Variants in NCOA1 observed in about 807,000 individuals in gnomAD.
The protein encoded by NCOA1 is nuclear receptor coactivator 1.
A neutral mutation model predicts 150.9 loss-of-function variants in NCOA1; 35 were observed. That is an observed-to-expected ratio of 0.23 (90% CI 0.18 to 0.31). The LOEUF (loss-of-function observed/expected upper bound fraction) is 0.31, where lower values mean the gene tolerates loss of function less well. Ranked by LOEUF, NCOA1 falls within the 10% of genes least tolerant of loss-of-function variation. NCOA1 has a pLI of 1.00. For synonymous variants in NCOA1, 590 were observed against 630.0 expected, an observed-to-expected ratio of 0.94 and a Z score of 0.95; for missense variants, 1,491 against 1,749.3, an observed-to-expected ratio of 0.85 and a Z score of 2.63.
intron 22 of NCOA1, among the ~76,000 whole-genome samples, chr2:24,763,923 G>C (rs984823451): frequency 6.6e-6 from 1 of 152,058 alleles, no homozygotes; most frequent in Non-Finnish European, 1.5e-5. Flanking sequence ...CGCCAGGCCA[G>C]ACTTTAGTCT....
At chr2:24,641,708 CA>C (rs1490736580) in intron 3 of NCOA1, among the ~76,000 whole-genome samples, 1 of 152,088 alleles carries the variant, frequency 6.6e-6, no homozygotes, top group African/African-American at 2.4e-5. Context: ...CTGTTGTTAC[CA>C]ATGAGAAACC....
intron 7 of NCOA1, among the ~76,000 whole-genome samples, chr2:24,678,002 C>G (rs916512451): frequency 1.3e-5 from 2 of 151,946 alleles, no homozygotes; most frequent in Admixed American, 1.3e-4. Flanking sequence ...AGCCCAGCAT[C>G]CATTAGCTAT....
intron 1 of NCOA1, among the ~76,000 whole-genome samples, chr2:24,547,161 T>G: frequency 6.6e-6 from 1 of 152,340 alleles, no homozygotes; most frequent in Non-Finnish European, 1.5e-5. Flanking sequence ...TTTAATTTAT[T>G]TACATGATTT....
chr2:24,515,587 T>A (rs1383495483), intron 1 of NCOA1, among the ~76,000 whole-genome samples: 2 of 152,176 alleles, frequency 1.3e-5, no homozygotes, highest in African/African-American at 4.8e-5. Flanking sequence ...TTTGAGTGAT[T>A]AAGAGTGATT....
Position 24,683,139 on chromosome 2 carries a change from A to G in NCOA1, c.532+11A>G. 1 of 1,537,058 alleles carries G rather than the reference A, an allele frequency of 6.5e-7. No individual in the cohort carries two copies. The highest frequency in any genetic ancestry group is 8.7e-7 in the Non-Finnish European group (1 of 1,148,968). ...TACCAAAATCACTAGGTAAACAGAA[A>G]TGTGTTTTTAAAAAGAATACTAGCT... On this transcript the variant is annotated intron_variant, in intron 8 of 22. Coordinates refer to ENST00000348332, the MANE Select transcript of NCOA1 (RefSeq NM_003743.5).
intron 1 of NCOA1, among the ~76,000 whole-genome samples, chr2:24,499,073 A>G (rs1663345474): frequency 6.6e-6 from 1 of 152,188 alleles, no homozygotes; most frequent in East Asian, 1.9e-4. Context: ...GATATGAGAT[A>G]TGCATATTGC....
chr2:24,622,484 TTGTA>T (rs1337837266), intron 3 of NCOA1, among the ~76,000 whole-genome samples: 4 of 152,212 alleles, frequency 2.6e-5, no homozygotes, highest in Non-Finnish European at 5.9e-5. Flanking sequence ...GATTATGTCT[TTGTA>T]CTTTTGATTA....
intron 3 of NCOA1, among the ~76,000 whole-genome samples, chr2:24,590,078 C>T (rs1297527148): frequency 6.6e-6 from 1 of 152,176 alleles, no homozygotes; most frequent in African/African-American, 2.4e-5. Context: ...TAGTGTCTAA[C>T]AAATTCCTTC....
At chr2:24,760,306 AT>A (rs70947842) in intron 21 of NCOA1, among the ~76,000 whole-genome samples, 34,934 of 100,700 alleles carry the variant, frequency 0.35, 4,027 homozygotes, top group Admixed American at 0.46. Flanking sequence ...TGCCCGGCTA[AT>A]TTTTTTTTTT....
At chr2:24,677,910 T>C (rs1671992956) in intron 7 of NCOA1, among the ~76,000 whole-genome samples, 1 of 152,042 alleles carries the variant, frequency 6.6e-6, no homozygotes. Context: ...GGGGTACATG[T>C]GTAGGATGTG....
intron 3 of NCOA1, among the ~76,000 whole-genome samples, chr2:24,618,280 C>T (rs1156683291): frequency 1.3e-5 from 2 of 152,168 alleles, no homozygotes; most frequent in Admixed American, 1.3e-4. Context: ...CTCATTATAT[C>T]TGGATAAGAC....
chr2:24,692,877 T>C (rs2148562621), intron 9 of NCOA1, among the ~76,000 whole-genome samples: 1 of 152,366 alleles, frequency 6.6e-6, no homozygotes, highest in East Asian at 1.9e-4. Context: ...TTTTGTTTTT[T>C]TGAGACGGAG....
At chr2:24,593,797 A>G (rs948638611) in intron 3 of NCOA1, among the ~76,000 whole-genome samples, 1 of 152,136 alleles carries the variant, frequency 6.6e-6, no homozygotes, top group African/African-American at 2.4e-5. Context: ...TTCACATATG[A>G]AGTCTGCCCT....
At chr2:24,650,521 T>C (rs114498095) in intron 4 of NCOA1, among the ~76,000 whole-genome samples, 109 of 152,278 alleles carry the variant, frequency 7.2e-4, no homozygotes, top group African/African-American at 2.6e-3. Flanking sequence ...GTAAGTCATA[T>C]ATCTGATAGG....
chr2:24,601,340 A>C (rs965058449), intron 3 of NCOA1, among the ~76,000 whole-genome samples: 1 of 151,888 alleles, frequency 6.6e-6, no homozygotes, highest in African/African-American at 2.4e-5. Flanking sequence ...AGCTTTCCAA[A>C]TAGCTGGCAC....
intron 3 of NCOA1, among the ~76,000 whole-genome samples, chr2:24,622,347 A>C (rs942635429): frequency 6.6e-6 from 1 of 152,198 alleles, no homozygotes; most frequent in Non-Finnish European, 1.5e-5. Context: ...AGCATCTGAT[A>C]TCTACCTAGT....
At chr2:24,522,172 A>G (rs1422493047) in intron 1 of NCOA1, among the ~76,000 whole-genome samples, 1 of 152,026 alleles carries the variant, frequency 6.6e-6, no homozygotes, top group Non-Finnish European at 1.5e-5. Flanking sequence ...GCATGGACTG[A>G]CTCATTTTCT....
At chr2:24,523,620 A>T in intron 1 of NCOA1, among the ~76,000 whole-genome samples, 1 of 128,124 alleles carries the variant, frequency 7.8e-6, no homozygotes, top group Non-Finnish European at 1.7e-5. Flanking sequence ...AAAAAAAAAA[A>T]AAAAAAAAAA....
chr2:24,716,496 T>C (rs1383783918), intron 14 of NCOA1, among the ~76,000 whole-genome samples: 4 of 152,086 alleles, frequency 2.6e-5, no homozygotes, highest in Non-Finnish European at 5.9e-5. Flanking sequence ...TGAACATCTA[T>C]GTAGAAAAAA....
Sources: gnomAD v4.1 joint callset for allele counts (sites outside exome capture counted in the v4.1 genomes callset) on GRCh38, gnomAD v4.1.1 for gene constraint, MANE v1.5 for transcripts, NCBI Gene and HGNC (gene_info 2026-07-23, HGNC 2026-07-21) for gene names.